The following CSMD1 variants were observed in gnomAD, a reference collection of about 807,000 sequenced individuals.
CSMD1 encodes CUB and sushi domain-containing protein 1.
CSMD1 carries 213 observed loss-of-function variants against 417.5 expected under a neutral mutation model. That is an observed-to-expected ratio of 0.51 (90% CI 0.46 to 0.57). The LOEUF (loss-of-function observed/expected upper bound fraction) is 0.57, where lower values mean the gene tolerates loss of function less well. Among genes scored for constraint, CSMD1 ranks in the 20% least tolerant of loss-of-function variants. The pLI is 0.00. For missense variants in CSMD1, 6,923 were observed against 4,529.7 expected (o/e 1.53, Z -15.17); for synonymous variants, 2,862 against 1,736.8 (o/e 1.65, Z -16.11).
intron 7 of CSMD1, among the ~76,000 whole-genome samples, chr8:3,671,121 G>T (rs565130314): frequency 6.9e-6 from 1 of 145,766 alleles, no homozygotes. Flanking sequence ...ATGTATATGG[G>T]ATATATATGT....
At chr8:4,870,349 G>A (rs117706724) in intron 1 of CSMD1, among the ~76,000 whole-genome samples, 79 of 152,174 alleles carry the variant, frequency 5.2e-4, no homozygotes, top group Admixed American at 3.4e-3. Flanking sequence ...ATATTTTTAT[G>A]CACTGCTATT....
intron 26 of CSMD1, among the ~76,000 whole-genome samples, chr8:3,239,575 G>A (rs1436456862): frequency 1.3e-5 from 2 of 152,152 alleles, no homozygotes; most frequent in Non-Finnish European, 2.9e-5. Context: ...AAGGGTGGGG[G>A]CCTGAATAAT....
chr8:3,994,623 T>A (rs2554678), intron 5 of CSMD1, among the ~76,000 whole-genome samples: 124,142 of 150,660 alleles, frequency 0.82, 51,238 homozygotes, highest in East Asian at 0.98. Context: ...TCCGACTAGT[T>A]AAAAAAAAAA....
chr8:4,135,297 G>C (rs938173897), intron 3 of CSMD1, among the ~76,000 whole-genome samples: 1 of 142,448 alleles, frequency 7.0e-6, no homozygotes. Flanking sequence ...AAGGAAGACA[G>C]AAGAAAGGAA....
At chr8:4,513,681 G>C (rs1384464943) in intron 2 of CSMD1, among the ~76,000 whole-genome samples, 2 of 152,148 alleles carry the variant, frequency 1.3e-5, no homozygotes, top group African/African-American at 4.8e-5. Context: ...ATTGAGAAAG[G>C]TAATTTCATT....
intron 1 of CSMD1, among the ~76,000 whole-genome samples, chr8:4,932,086 T>C (rs2117195033): frequency 6.6e-6 from 1 of 152,340 alleles, no homozygotes; most frequent in Non-Finnish European, 1.5e-5. Flanking sequence ...TGAATGCATT[T>C]ATTAAAGCAA....
At chr8:3,870,825 G>A (rs903368181) in intron 5 of CSMD1, among the ~76,000 whole-genome samples, 1 of 152,102 alleles carries the variant, frequency 6.6e-6, no homozygotes, top group East Asian at 1.9e-4. Flanking sequence ...AGGAGAGAAA[G>A]AAGCATCTCC....
At chr8:3,265,724 G>A (rs766172290) in intron 26 of CSMD1, among the ~76,000 whole-genome samples, 2 of 152,086 alleles carry the variant, frequency 1.3e-5, no homozygotes, top group African/African-American at 2.4e-5. Flanking sequence ...TCAAAGCAGG[G>A]CCCTAGCTTT....
In CSMD1 at chr8:3,795,988, GATAT is replaced by G. The variant is rs1285110321; in HGVS notation, c.819-41950_819-41947del. Among the ~76,000 whole-genome samples the G allele has an allele frequency of 3.1e-4, 19 of 61,324 alleles. 7 individuals are homozygous for G. The highest frequency in any genetic ancestry group is 7.8e-4 in the East Asian group (2 of 2,566). The allele number at this position is 61,324 out of a possible 152,430, so 40.2% of individuals were successfully genotyped here. A position where few individuals can be genotyped will look rare whatever the true frequency, so the allele number is the denominator to read the frequency against. On this transcript the variant is annotated intron_variant, in intron 5 of 69. Transcript: ENST00000635120. ...TAGATATCTATCATGTACAGATATA[GATAT>G]ATATCTATCATGTATATAGATATAT...
intron 12 of CSMD1, among the ~76,000 whole-genome samples, chr8:3,416,160 G>C (rs970822071): frequency 1.2e-5 from 1 of 84,202 alleles, no homozygotes; most frequent in African/African-American, 4.1e-5. Context: ...AATTAGCCGG[G>C]CGTGTTGGGG....
chr8:4,809,895 A>G (rs1220676316), intron 1 of CSMD1, among the ~76,000 whole-genome samples: 2 of 152,224 alleles, frequency 1.3e-5, no homozygotes, highest in African/African-American at 4.8e-5. Context: ...AGTGCCATTC[A>G]AATCCAAGTC....
intron 1 of CSMD1, among the ~76,000 whole-genome samples, chr8:4,842,814 G>A (rs1034817752): frequency 5.3e-5 from 8 of 152,324 alleles, no homozygotes; most frequent in African/African-American, 1.7e-4. Context: ...TCAAAACAGT[G>A]AGTCACTTTC....
intron 1 of CSMD1, among the ~76,000 whole-genome samples, chr8:4,924,963 T>G (rs969395480): frequency 6.6e-6 from 1 of 152,130 alleles, no homozygotes; most frequent in Admixed American, 6.5e-5. Context: ...GAAGAATCTT[T>G]GCATCCACCA....
chr8:3,723,752 G>C (rs988786909), intron 6 of CSMD1, among the ~76,000 whole-genome samples: 1 of 152,116 alleles, frequency 6.6e-6, no homozygotes, highest in Non-Finnish European at 1.5e-5. Flanking sequence ...TTTAGATACA[G>C]ACACTAACAT....
At chr8:4,554,083 TATTGTGTGTA>T (rs1352290462) in intron 2 of CSMD1, among the ~76,000 whole-genome samples, 2 of 152,202 alleles carry the variant, frequency 1.3e-5, no homozygotes, top group African/African-American at 4.8e-5. Flanking sequence ...AGGTTTTTAA[TATTGTGTGTA>T]AATTCAACAT....
At chr8:3,671,399 G>T (rs1394993887) in intron 7 of CSMD1, among the ~76,000 whole-genome samples, 1 of 146,268 alleles carries the variant, frequency 6.8e-6, no homozygotes, top group African/African-American at 2.5e-5. Context: ...GAAGCATATA[G>T]ATCTTAAATA....
At chr8:3,510,408 C>A (rs1254077141) in intron 10 of CSMD1, among the ~76,000 whole-genome samples, 1 of 151,836 alleles carries the variant, frequency 6.6e-6, no homozygotes, top group Non-Finnish European at 1.5e-5. Context: ...TGAGCGCAGG[C>A]TCTGTTGCTG....
chr8:3,067,443 C>G (rs1159556422), intron 49 of CSMD1, among the ~76,000 whole-genome samples: 2 of 151,972 alleles, frequency 1.3e-5, no homozygotes, highest in Non-Finnish European at 2.9e-5. Flanking sequence ...TTTACTGAAG[C>G]AAGTCCCATT....
intron 2 of CSMD1, among the ~76,000 whole-genome samples, chr8:4,511,255 G>A (rs545813212): frequency 2.0e-4 from 31 of 152,160 alleles, no homozygotes; most frequent in Admixed American, 7.8e-4. Context: ...CAGACTTGGC[G>A]GCCGATTTCC....
Sources: gnomAD v4.1 joint callset for allele counts (sites outside exome capture counted in the v4.1 genomes callset) on GRCh38, gnomAD v4.1.1 for gene constraint, MANE v1.5 for transcripts, NCBI Gene and HGNC (gene_info 2026-07-23, HGNC 2026-07-21) for gene names.